The following CRACR2A variants were observed in gnomAD, a reference collection of about 807,000 sequenced individuals.
The protein encoded by CRACR2A is calcium release activated channel regulator 2A, also known as EF-hand calcium-binding domain-containing protein 4B.
A neutral mutation model predicts 90.5 loss-of-function variants in CRACR2A; 79 were observed. The observed-to-expected ratio is 0.87, with a 90% CI of 0.73 to 1.05. The LOEUF (loss-of-function observed/expected upper bound fraction) is 1.05. Ranked by LOEUF, CRACR2A falls within the 50% of genes least tolerant of loss-of-function variation. The pLI, the probability that CRACR2A is intolerant of heterozygous loss-of-function variation, is 0.00. For synonymous variants in CRACR2A, 338 were observed against 356.7 expected (o/e 0.95, Z 0.59); for missense variants, 823 against 897.2 (o/e 0.92, Z 1.06).
At chr12:3,636,700 G>A (rs1944460050) in intron 14 of CRACR2A, among the ~76,000 whole-genome samples, 1 of 151,200 alleles carries the variant, frequency 6.6e-6, no homozygotes, top group South Asian at 2.1e-4. Context: ...GTGTAGGTCT[G>A]TGCATTGAAG....
At chr12:3,690,534 T>C (rs1365650891) in intron 4 of CRACR2A, among the ~76,000 whole-genome samples, 4 of 152,242 alleles carry the variant, frequency 2.6e-5, no homozygotes, top group Non-Finnish European at 4.4e-5. Flanking sequence ...GTGGTTGTTA[T>C]GATTTCAGTT....
At chr12:3,672,940 G>T (rs117183138) in intron 7 of CRACR2A, 2 of 284,260 alleles carry the variant, frequency 7.0e-6, no homozygotes, top group Admixed American at 6.5e-5. Context: ...TACCAAACAC[G>T]CCACCTCTGC....
chr12:3,643,817 T>TTATATAATATATATTATATATATAATA, intron 12 of CRACR2A, among the ~76,000 whole-genome samples: 1 of 85,732 alleles, frequency 1.2e-5, no homozygotes, highest in South Asian at 3.8e-4. Flanking sequence ...ATATATATAT[T>TTATATAATATATATTATATATATAATA]TATATTATAT....
chr12:3,654,193 G>A lies in CRACR2A; in HGVS notation c.1046+19C>T. On this transcript the variant is annotated intron_variant, in intron 10 of 19. Coordinates refer to ENST00000440314, the MANE Select transcript of CRACR2A (RefSeq NM_001144958.2). ...TGGTGCGGGAAGACAGCAGAGGAGT[G>A]GACAAAGGCTGGACTCACATCTCCT... The A allele has an allele frequency of 6.2e-7, 1 of 1,607,764 alleles. No individual in the cohort carries two copies. The highest frequency in any genetic ancestry group is 2.2e-5 in the East Asian group (1 of 44,738).
chr12:3,718,744 G>A (rs747146971), intron 2 of CRACR2A, among the ~76,000 whole-genome samples: 10 of 152,122 alleles, frequency 6.6e-5, no homozygotes, highest in Admixed American at 6.5e-5. Flanking sequence ...TATACAAGTG[G>A]CTCATGTTGC....
rs1405695255 is a variant in CRACR2A at position 3,627,570 on chromosome 12, G to C, written c.1818-20C>G. 1 of 1,551,470 alleles carries C rather than the reference G, an allele frequency of 6.4e-7. No homozygotes were observed. The highest frequency in any genetic ancestry group is 8.7e-7 in the Non-Finnish European group (1 of 1,146,832). ...CGGTACCTGCCACAGAAGGGCCACG[G>C]GTCAGGCATGCACGGCCTTCCCTCT... is the stretch of plus-strand genomic sequence containing the variant. On this transcript the variant is annotated intron_variant, in intron 16 of 19. Coordinates refer to ENST00000440314, the MANE Select transcript of CRACR2A (RefSeq NM_001144958.2).
At chr12:3,629,532 G>C (rs1204187057) in intron 15 of CRACR2A, among the ~76,000 whole-genome samples, 2 of 152,242 alleles carry the variant, frequency 1.3e-5, no homozygotes, top group African/African-American at 4.8e-5. Flanking sequence ...TCCGAAACCA[G>C]CCAGTGCTGC....
intron 11 of CRACR2A, among the ~76,000 whole-genome samples, chr12:3,645,310 C>A (rs1440691636): frequency 2.6e-5 from 4 of 152,156 alleles, no homozygotes; most frequent in Admixed American, 2.6e-4. Context: ...AGAGGAGAGG[C>A]TAGGGCAAAG....
chr12:3,702,687 C>T (rs1337129708), intron 3 of CRACR2A, among the ~76,000 whole-genome samples: 2 of 152,104 alleles, frequency 1.3e-5, no homozygotes, highest in African/African-American at 4.8e-5. Context: ...GATCGAGAGA[C>T]TCAATATTAT....
At chr12:3,661,393 A>G (rs1266908985) in intron 7 of CRACR2A, among the ~76,000 whole-genome samples, 2 of 152,222 alleles carry the variant, frequency 1.3e-5, no homozygotes, top group Non-Finnish European at 2.9e-5. Context: ...GTGACTGTAC[A>G]GTAACGGTCC....
chr12:3,672,686 AG>A, intron 7 of CRACR2A: 7 of 868,528 alleles, frequency 8.1e-6, no homozygotes, highest in Non-Finnish European at 9.7e-6. Flanking sequence ...ATTCTCATGA[AG>A]GGACTGGTGT....
chr12:3,702,648 A>T (rs1451988200), intron 3 of CRACR2A, among the ~76,000 whole-genome samples: 1 of 152,234 alleles, frequency 6.6e-6, no homozygotes, highest in Non-Finnish European at 1.5e-5. Flanking sequence ...AAGACCTAAA[A>T]CAAATGGAGA....
At chr12:3,659,691 C>T (rs1428981678) in intron 7 of CRACR2A, 37 bp from the exon 8 acceptor site, 1 of 1,548,024 alleles carries the variant, frequency 6.5e-7, no homozygotes, top group Non-Finnish European at 8.9e-7. Context: ...CATTGAGGTT[C>T]CCCTACTCCA....
intron 4 of CRACR2A, among the ~76,000 whole-genome samples, chr12:3,690,937 T>C (rs1945639730): frequency 6.6e-6 from 1 of 152,066 alleles, no homozygotes; most frequent in African/African-American, 2.4e-5. Flanking sequence ...CTTTCTTGGT[T>C]TAAAGTCTGT....
At chr12:3,621,438 G>A (rs1944131653) in intron 17 of CRACR2A, among the ~76,000 whole-genome samples, 2 of 148,298 alleles carry the variant, frequency 1.3e-5, no homozygotes, top group South Asian at 4.3e-4. Flanking sequence ...TGGATCATGA[G>A]GTCAGGAGTT....
At chr12:3,670,866 T>C (rs1945227174) in intron 7 of CRACR2A, among the ~76,000 whole-genome samples, 1 of 152,112 alleles carries the variant, frequency 6.6e-6, no homozygotes, top group South Asian at 2.1e-4. Context: ...AAGAGTTCAG[T>C]GAGTCCCCAA....
intron 1 of CRACR2A, among the ~76,000 whole-genome samples, chr12:3,749,466 GTCTGCTCCACAAAC>G (rs1246605776): frequency 6.6e-6 from 1 of 152,182 alleles, no homozygotes; most frequent in Non-Finnish European, 1.5e-5. Context: ...CCACTGAGCT[GTCTGCTCCACAAAC>G]TCAGCTCTTC....
intron 4 of CRACR2A, among the ~76,000 whole-genome samples, chr12:3,687,761 T>C (rs1451223755): frequency 6.6e-6 from 1 of 152,168 alleles, no homozygotes; most frequent in African/African-American, 2.4e-5. Context: ...TTTTGAGGAA[T>C]TGCACACTGC....
At chr12:3,701,120 A>G (rs1033178860) in intron 3 of CRACR2A, among the ~76,000 whole-genome samples, 1 of 152,092 alleles carries the variant, frequency 6.6e-6, no homozygotes, top group South Asian at 2.1e-4. Flanking sequence ...TGGGCCAAAG[A>G]AAAAAAGGAA....
Sources: allele counts gnomAD v4.1 joint callset (sites outside exome capture counted in the v4.1 genomes callset), GRCh38; gene constraint gnomAD v4.1.1; transcripts MANE v1.5; gene names NCBI Gene and HGNC (gene_info 2026-07-23, HGNC 2026-07-21).